Variants in ZC3H4 observed in about 807,000 individuals in gnomAD.
The protein encoded by ZC3H4 is zinc finger CCCH domain-containing protein 4.
A neutral mutation model predicts 108.3 loss-of-function variants in ZC3H4; 13 were observed. That is an observed-to-expected ratio of 0.12 (90% confidence interval 0.08 to 0.19). The LOEUF is 0.19. Ranked by LOEUF, ZC3H4 falls within the 10% of genes least tolerant of loss-of-function variation. The pLI is 1.00. For synonymous variants in ZC3H4, 917 were observed against 749.6 expected (o/e 1.22, Z -3.65); for missense variants, 1,734 against 1,838.8 (o/e 0.94, Z 1.04).
rs192251460 is a variant in ZC3H4 at position 47,077,217 on chromosome 19, T to C, written c.1440+4296A>G. Among the ~76,000 whole-genome samples the C allele has an allele frequency of 5.9e-5, 9 of 151,624 alleles. No homozygotes were observed. The East Asian group carries it at 1.6e-3, about 26-fold the overall frequency. On this transcript the variant is annotated intron_variant, in intron 11 of 14. Transcript: ENST00000253048. ...CAGGTGCGGTGGTTCATGCCTGTAA[T>C]CCCAGCACTTTGGGAGGCCTGCGGG...
chr19:47,092,770 T>C (rs373951480), intron 4 of ZC3H4, among the ~76,000 whole-genome samples: 1 of 151,758 alleles, frequency 6.6e-6, no homozygotes, highest in East Asian at 1.9e-4. Flanking sequence ...TGAACCGAGA[T>C]TGCCCCACTG....
chr19:47,079,494 G>C (rs1272692704), intron 11 of ZC3H4, among the ~76,000 whole-genome samples: 2 of 151,898 alleles, frequency 1.3e-5, no homozygotes, highest in Non-Finnish European at 2.9e-5. Context: ...CTCCAGCAGG[G>C]GGCAGTCCTC....
In ZC3H4 at chr19:47,071,882, T is replaced by C; in HGVS notation, c.2042A>G (p.His681Arg). The change falls in exon 13 of 15, where the codon CAT becomes CGT. Residue 681 changes from histidine to arginine, a missense_variant. His to Arg is a conservative substitution (Grantham distance 29). Coordinates refer to ENST00000253048, the MANE Select transcript of ZC3H4 (RefSeq NM_015168.2). ...CGGGATAGGGGGCATCATTCCAGAA[T>C]GTGGGGAGTCTCCAGGGCCGTAGGG... ...MMPYGPGDSPHSGMMPPIPPA... is the reference protein window; with the variant it reads ...MMPYGPGDSPRSGMMPPIPPA... 1 of 1,613,018 alleles carries C rather than the reference T, an allele frequency of 6.2e-7. No homozygotes were observed. Among genetic ancestry groups the C allele is most frequent in the African/African-American group, 1.3e-5 (1 of 74,988 alleles).
At chr19:47,076,790 C>T (rs1686784) in intron 11 of ZC3H4, among the ~76,000 whole-genome samples, 2 of 152,052 alleles carry the variant, frequency 1.3e-5, no homozygotes, top group South Asian at 4.1e-4. Flanking sequence ...GTCAGGAGTT[C>T]GAGACCAGCC....
At chr19:47,094,921 G>A (rs2057797608) in intron 2 of ZC3H4, among the ~76,000 whole-genome samples, 1 of 152,244 alleles carries the variant, frequency 6.6e-6, no homozygotes, top group Admixed American at 6.5e-5. Flanking sequence ...ACAAGGTGCT[G>A]TGGTCACATA....
At chr19:47,113,037 G>T (rs963145769) in intron 1 of ZC3H4, among the ~76,000 whole-genome samples, 7 of 152,258 alleles carry the variant, frequency 4.6e-5, no homozygotes, top group African/African-American at 1.7e-4. Context: ...CGCGGAGACG[G>T]GCCGACTGTC....
chr19:47,087,351 T>C (rs2057649039), intron 5 of ZC3H4, among the ~76,000 whole-genome samples: 3 of 151,904 alleles, frequency 2.0e-5, no homozygotes, highest in Admixed American at 2.0e-4. Flanking sequence ...TCTAATTTGA[T>C]TACACGTTGA....
rs1315591854 is a variant in ZC3H4 at position 47,072,497 on chromosome 19, C to T, written c.1657G>A (p.Gly553Arg). 3.2e-5 allele frequency: 12 copies of T among 375,686 alleles called. No homozygotes were observed. In the Admixed American group the frequency reaches 5.3e-4, roughly 16 times the overall value. 23.3% of individuals were successfully genotyped at this position (375,686 alleles called of 1,614,324 possible). The change falls in exon 12 of 15, where the codon GGG becomes AGG. Residue 553 changes from glycine to arginine, a missense_variant. Gly to Arg is a moderately radical substitution (Grantham distance 125, BLOSUM62 -2). Coordinates refer to ENST00000253048, the MANE Select transcript of ZC3H4 (RefSeq NM_015168.2). This position sits in a 1 kb window ranked among gnomAD's most constrained non-coding sequence, Gnocchi z 5.6. Reference sequence around the variant, plus strand: ...ACCGGCATGGGCATCTGAGGGGGCCCGGGCGGTGGGGGAGGGGGAGGGGGC... The same window carrying T: ...ACCGGCATGGGCATCTGAGGGGGCCTGGGCGGTGGGGGAGGGGGAGGGGGC... ...PPPPPPPPPP[G>R]PPQMPMPVHE... is the part of the protein sequence containing the mutation.
At chr19:47,083,691 A>G (rs1432547929) in intron 9 of ZC3H4, among the ~76,000 whole-genome samples, 15 of 152,228 alleles carry the variant, frequency 9.9e-5, no homozygotes, top group Admixed American at 9.2e-4. Flanking sequence ...CCTGGGTGAC[A>G]GTGAGACTTG....
intron 6 of ZC3H4, among the ~76,000 whole-genome samples, chr19:47,086,023 A>G (rs918072166): frequency 2.6e-5 from 4 of 151,932 alleles, no homozygotes; most frequent in Admixed American, 6.6e-5. Context: ...GCGTGCTACC[A>G]CACCCGGCTA....
intron 9 of ZC3H4, among the ~76,000 whole-genome samples, chr19:47,083,049 AT>A (rs1272481142): frequency 6.6e-6 from 1 of 151,908 alleles, no homozygotes; most frequent in East Asian, 1.9e-4. Flanking sequence ...GTCTTAATTT[AT>A]TTACTTATTT....
At chr19:47,084,293 T>A (rs2057575770) in intron 9 of ZC3H4, 52 bp downstream of exon 9, 3 of 1,555,102 alleles carry the variant, frequency 1.9e-6, no homozygotes, top group Non-Finnish European at 2.7e-6. Context: ...AAGCCATGTG[T>A]CCTCTGGGGG....
chr19:47,069,054 C>A, intron 14 of ZC3H4, 38 bp downstream of exon 14: 1 of 1,600,930 alleles, frequency 6.2e-7, no homozygotes, highest in Non-Finnish European at 8.5e-7. Flanking sequence ...GCACAGCGGC[C>A]TGGGGCCTGT....
rs1237173212 is a variant in ZC3H4 at position 47,067,706 on chromosome 19, G to A, written c.2562C>T (p.Pro854=). The A allele has an allele frequency of 6.2e-7, 1 of 1,605,156 alleles. No homozygotes were observed. Among genetic ancestry groups the A allele is most frequent in the Non-Finnish European group, 8.5e-7 (1 of 1,177,662 alleles). ...GAGGGTCAGCCAGCCGGCTTCCTGT[G>A]GGGTGTCCCTTCTGGAGGCGGGGGT... ...LGDPRLQKGH[P]TGSRLADPRL... Residue 854 remains proline (P), a synonymous_variant, in exon 15 of 15, where the codon CCC becomes CCT. Transcript: ENST00000253048. The surrounding 1 kb of genome is among the most constrained non-coding windows in gnomAD (Gnocchi z 6.4).
chr19:47,084,195 G>A, intron 9 of ZC3H4, 150 bp downstream of exon 9: 1 of 698,140 alleles, frequency 1.4e-6, no homozygotes, highest in Non-Finnish European at 2.4e-6. Flanking sequence ...GGCCGCCCAG[G>A]CAACTCCCAG....
Position 47,067,627 on chromosome 19 carries a change from C to G in ZC3H4, c.2641G>C (p.Gly881Arg). 2 of 1,604,102 alleles carry G rather than the reference C, an allele frequency of 1.2e-6. No individual in the cohort carries two copies. Among genetic ancestry groups the G allele is most frequent in the Non-Finnish European group, 1.7e-6 (2 of 1,177,548 alleles). Residue 881 changes from glycine (G) to arginine (R), a missense_variant, in exon 15 of 15, where the codon GGC becomes CGC. By Grantham distance (125) the Gly-to-Arg change is moderately radical. This residue lies in a region of ZC3H4 where 540 missense variants were observed against 484.1 expected (regional missense o/e 1.12). Transcript: ENST00000253048. The surrounding 1 kb of genome is among the most constrained non-coding windows in gnomAD (Gnocchi z 6.4). ...TRHVEASGGS[G>R]PGDSGPSDPR... ...TCGGAGGGTCCCGAATCACCTGGGC[C>G]AGACCCGCCAGAAGCCTCCACATGG...
At position 47,112,477 on chromosome 19, in the gene ZC3H4, G is replaced by A. The variant is rs746010301; in HGVS notation, c.108C>T (p.Ala36=). The part of the protein sequence containing the change: ...TPSPPPCSPD[A]RPATPHLLHH... ...GGAGGAGGTGCGGGGTGGCCGGGCG[G>A]GCGTCGGGGGAACACGGAGGAGGCG... Residue 36 remains alanine, a synonymous_variant, in exon 2 of 15, where the codon GCC becomes GCT. Coordinates refer to ENST00000253048, the MANE Select transcript of ZC3H4 (RefSeq NM_015168.2). 4 of 1,184,780 alleles carry A rather than the reference G, an allele frequency of 3.4e-6. No homozygotes were observed. The South Asian group carries it at 1.2e-4, about 37-fold the overall frequency. 73.4% of individuals were successfully genotyped at this position (1,184,780 alleles called of 1,614,324 possible).
At position 47,107,953 on chromosome 19, in the gene ZC3H4, T is replaced by C. The variant is rs1014906546; in HGVS notation, c.161+4471A>G. ...GGCTCCCCCCAATCAATCTCATTTT[T>C]ACTTTAACTTATCCCCATGAACTTG... On this transcript the variant is annotated intron_variant, in intron 2 of 14. Coordinates refer to ENST00000253048, the MANE Select transcript of ZC3H4 (RefSeq NM_015168.2). Among the ~76,000 whole-genome samples, 6 of 152,328 alleles carry C rather than the reference T, an allele frequency of 3.9e-5. No individual in the cohort carries two copies. In the South Asian group the frequency reaches 6.2e-4, roughly 16 times the overall value.
intron 11 of ZC3H4, among the ~76,000 whole-genome samples, chr19:47,073,773 G>C (rs954726565): frequency 3.3e-5 from 5 of 152,206 alleles, no homozygotes; most frequent in Non-Finnish European, 2.9e-5. Context: ...ACCTGCCCCT[G>C]CTGGACAGCT....
Sources: gnomAD v4.1 joint callset for allele counts (sites outside exome capture counted in the v4.1 genomes callset) on GRCh38, gnomAD v4.1.1 for gene constraint, gnomAD v4.1.1 regional missense constraint, Gnocchi (gnomAD v3.1) non-coding constraint, MANE v1.5 for transcripts, NCBI Gene and HGNC (gene_info 2026-07-23, HGNC 2026-07-21) for gene names.